The following SV2C variants were observed in gnomAD, a reference collection of about 807,000 sequenced individuals.
SV2C encodes the protein solute carrier family 22 member B3.
SV2C carries 49 observed loss-of-function variants against 79.7 expected under a neutral mutation model. The observed-to-expected ratio is 0.61, with a 90% CI of 0.49 to 0.78. The LOEUF (loss-of-function observed/expected upper bound fraction) is 0.78, where lower values mean the gene tolerates loss of function less well. SV2C is among the 30% of genes least tolerant of loss of function. The probability of loss-of-function intolerance (pLI) is 0.00; values close to 1 mark genes in which losing one functional copy is unlikely to be tolerated. For synonymous variants in SV2C, 334 were observed against 333.2 expected (o/e 1.00, Z -0.03); for missense variants, 833 against 912.9 (o/e 0.91, Z 1.13).
At chr5:76,242,952 C>T (rs568352320) in intron 4 of SV2C, among the ~76,000 whole-genome samples, 34 of 135,898 alleles carry the variant, frequency 2.5e-4, no homozygotes, top group African/African-American at 9.1e-4. Context: ...AGTTTGAGGC[C>T]GCAGTGAGCT....
chr5:76,080,683 T>G (rs1422185269), upstream of SV2C, among the ~76,000 whole-genome samples: 2 of 151,872 alleles, frequency 1.3e-5, no homozygotes, highest in Non-Finnish European at 2.9e-5. Context: ...AGCTTGTTTT[T>G]TAGCATCACA....
intron 4 of SV2C, among the ~76,000 whole-genome samples, chr5:76,271,763 G>T (rs2972834): frequency 2.6e-5 from 4 of 151,722 alleles, no homozygotes; most frequent in Non-Finnish European, 4.4e-5. Flanking sequence ...CATCGCGCCC[G>T]GCGTATGTGC....
chr5:75,940,586 GTC>G, the SV2C span, among the ~76,000 whole-genome samples: 1 of 152,142 alleles, frequency 6.6e-6, no homozygotes, highest in South Asian at 2.1e-4. Context: ...GTAGACAGGA[GTC>G]TCTGTCACAC....
At chr5:75,857,393 A>G in the SV2C span, among the ~76,000 whole-genome samples, 6 of 151,902 alleles carry the variant, frequency 3.9e-5, no homozygotes, top group African/African-American at 1.5e-4. Flanking sequence ...TGTTCTTGGC[A>G]TTTTTGTCAA....
At chr5:76,062,959 A>C in the SV2C span, among the ~76,000 whole-genome samples, 6 of 152,102 alleles carry the variant, frequency 3.9e-5, no homozygotes. Flanking sequence ...AGAAACGTGG[A>C]GTGTTATCTC....
the SV2C span, among the ~76,000 whole-genome samples, chr5:76,056,211 A>C: frequency 6.6e-6 from 1 of 152,132 alleles, no homozygotes. Context: ...AGGGCTGTTG[A>C]ATTTTATCAA....
chr5:75,911,057 A>G, the SV2C span: 1 of 1,220,646 alleles, frequency 8.2e-7, no homozygotes, highest in Non-Finnish European at 1.2e-6. Context: ...ATCTGTCGCA[A>G]CAACTGAAGA....
intron 4 of SV2C, among the ~76,000 whole-genome samples, chr5:76,210,637 T>A (rs2112356469): frequency 6.6e-6 from 1 of 152,308 alleles, no homozygotes; most frequent in East Asian, 1.9e-4. Flanking sequence ...TCTATAGGCA[T>A]GATTGATTAG....
At chr5:75,872,067 A>G in the SV2C span, among the ~76,000 whole-genome samples, 2 of 147,050 alleles carry the variant, frequency 1.4e-5, no homozygotes, top group Non-Finnish European at 3.0e-5. Flanking sequence ...ATATATACAT[A>G]TATATGAATA....
chr5:75,958,228 C>G, the SV2C span, among the ~76,000 whole-genome samples: 18 of 152,082 alleles, frequency 1.2e-4, no homozygotes, highest in Admixed American at 3.3e-4. Context: ...GGGACATCAA[C>G]TGACTATGTG....
At chr5:76,148,252 G>A (rs1010439868) in intron 2 of SV2C, among the ~76,000 whole-genome samples, 1 of 152,104 alleles carries the variant, frequency 6.6e-6, no homozygotes, top group African/African-American at 2.4e-5. Flanking sequence ...TGCAAACAGG[G>A]CCAGTGCTCA....
chr5:76,220,571 C>T (rs1745037824), intron 4 of SV2C, among the ~76,000 whole-genome samples: 2 of 146,946 alleles, frequency 1.4e-5, no homozygotes, highest in African/African-American at 2.5e-5. Flanking sequence ...ACTTGTGAGG[C>T]CAAGGCACCA....
At chr5:76,010,399 G>A in the SV2C span, among the ~76,000 whole-genome samples, 2 of 152,088 alleles carry the variant, frequency 1.3e-5, no homozygotes, top group African/African-American at 4.8e-5. Flanking sequence ...CTTAAAATTG[G>A]TTAATGTGCG....
chr5:76,215,879 G>A (rs77317320), intron 4 of SV2C, among the ~76,000 whole-genome samples: 4,205 of 152,184 alleles, frequency 0.028, 72 homozygotes, highest in East Asian at 0.06. Context: ...AAAGGTGTTC[G>A]CTGTTTCTGG....
the SV2C span, among the ~76,000 whole-genome samples, chr5:75,897,209 A>G: frequency 1.3e-5 from 2 of 151,248 alleles, no homozygotes; most frequent in Admixed American, 1.3e-4. Flanking sequence ...TAGGTCTAAC[A>G]TGTAAGTCTT....
At chr5:75,897,619 C>T in the SV2C span, among the ~76,000 whole-genome samples, 14 of 152,304 alleles carry the variant, frequency 9.2e-5, no homozygotes, top group Non-Finnish European at 1.9e-4. Context: ...TCATTGGTAG[C>T]TTGATGGAGA....
At chr5:76,179,276 G>C (rs1285257228) in intron 2 of SV2C, among the ~76,000 whole-genome samples, 1 of 152,156 alleles carries the variant, frequency 6.6e-6, no homozygotes, top group African/African-American at 2.4e-5. Flanking sequence ...ATGAATGAAC[G>C]AATGCAGTGT....
At chr5:76,222,192 T>C (rs930474589) in intron 4 of SV2C, among the ~76,000 whole-genome samples, 1 of 152,184 alleles carries the variant, frequency 6.6e-6, no homozygotes, top group African/African-American at 2.4e-5. Flanking sequence ...AAAACTTGTA[T>C]CCACACAAAA....
the SV2C span, among the ~76,000 whole-genome samples, chr5:75,901,499 G>A: frequency 6.6e-6 from 1 of 152,190 alleles, no homozygotes; most frequent in East Asian, 1.9e-4. Context: ...GCCCCTACTG[G>A]GGGGTGCCTC....
Sources: allele counts gnomAD v4.1 joint callset (sites outside exome capture counted in the v4.1 genomes callset), GRCh38; gene constraint gnomAD v4.1.1; transcripts MANE v1.5; gene names NCBI Gene and HGNC (gene_info 2026-07-23, HGNC 2026-07-21).